The following NUMB variants were observed in gnomAD, a reference collection of about 807,000 sequenced individuals.
The protein encoded by NUMB is NUMB endocytic adaptor protein, also known as protein numb homolog.
NUMB carries 29 observed loss-of-function variants against 59.7 expected under a neutral mutation model. The ratio of observed to expected loss-of-function variants is 0.49; its 90% CI spans 0.36 to 0.66. NUMB has a LOEUF of 0.66. Ranked by LOEUF, NUMB falls within the 30% of genes least tolerant of loss-of-function variation. NUMB has a pLI of 0.00. For missense variants in NUMB, 723 were observed against 822.0 expected (o/e 0.88, Z 1.47); for synonymous variants, 288 against 288.2 (o/e 1.00, Z 0.01).
At chr14:73,329,704 T>A (rs540811468) in intron 4 of NUMB, among the ~76,000 whole-genome samples, 1 of 152,354 alleles carries the variant, frequency 6.6e-6, no homozygotes, top group Non-Finnish European at 1.5e-5. Flanking sequence ...ATACACAAAT[T>A]AAACACTGAT....
At chr14:73,345,995 A>T (rs1240441730) in intron 4 of NUMB, among the ~76,000 whole-genome samples, 1 of 152,198 alleles carries the variant, frequency 6.6e-6, no homozygotes, top group Non-Finnish European at 1.5e-5. Flanking sequence ...CTTGAATAGC[A>T]TATTTCTAAT....
intron 1 of NUMB, among the ~76,000 whole-genome samples, chr14:73,437,108 C>T (rs374869490): frequency 1.5e-5 from 2 of 135,990 alleles, no homozygotes; most frequent in African/African-American, 2.9e-5. Flanking sequence ...TGCAGTGGCA[C>T]GATCACAACT....
At chr14:73,289,768 T>C (rs566070391) in intron 8 of NUMB, among the ~76,000 whole-genome samples, 3 of 152,348 alleles carry the variant, frequency 2.0e-5, no homozygotes, top group East Asian at 3.9e-4. Context: ...AGGATGACAT[T>C]AGGCCAGATG....
intron 12 of NUMB, among the ~76,000 whole-genome samples, chr14:73,277,672 G>A (rs1458032065): frequency 5.3e-5 from 8 of 151,994 alleles, no homozygotes; most frequent in African/African-American, 9.7e-5. Context: ...TGAGGCAGGA[G>A]GACTACTTGA....
rs576717285 is a variant in NUMB at position 73,448,475 on chromosome 14, G to A, written c.-233+10018C>T. On this transcript the variant is annotated intron_variant, in intron 1 of 12. Transcript: ENST00000555238. ...CAAAGTGCTGGGATTAAAGGCATGA[G>A]CCACCACACCAGGCCAGATTTTAAC... is the stretch of plus-strand genomic sequence containing the variant. Among the ~76,000 whole-genome samples, 6 of 152,154 alleles carry A rather than the reference G, an allele frequency of 3.9e-5. No homozygotes were observed. The East Asian group carries it at 1.2e-3, about 29-fold the overall frequency.
At chr14:73,436,280 G>C (rs189432637) in intron 1 of NUMB, among the ~76,000 whole-genome samples, 1 of 152,070 alleles carries the variant, frequency 6.6e-6, no homozygotes, top group Non-Finnish European at 1.5e-5. Flanking sequence ...AACTCACTTG[G>C]GTTTTCTTAT....
intron 6 of NUMB, 86 bp downstream of exon 6, chr14:73,316,304 G>A (rs1047001497): frequency 1.8e-6 from 2 of 1,107,764 alleles, no homozygotes; most frequent in Non-Finnish European, 2.7e-6. Flanking sequence ...AGAAACCAAA[G>A]CTGTACTAGT....
intron 2 of NUMB, among the ~76,000 whole-genome samples, chr14:73,389,633 T>C (rs1017235722): frequency 2.6e-5 from 4 of 152,202 alleles, no homozygotes; most frequent in Admixed American, 2.6e-4. Context: ...ATTATAGGTG[T>C]GAACCACCGT....
chr14:73,389,294 C>CA (rs202010932), intron 2 of NUMB, among the ~76,000 whole-genome samples: 12,689 of 76,928 alleles, frequency 0.16, 1,487 homozygotes, highest in African/African-American at 0.37. Flanking sequence ...AAAAAAAAAA[C>CA]AAAAACAAAA....
chr14:73,452,965 C>T (rs908571808), intron 1 of NUMB, among the ~76,000 whole-genome samples: 2 of 152,180 alleles, frequency 1.3e-5, no homozygotes, highest in African/African-American at 4.8e-5. Context: ...TTACATATGT[C>T]ACTCCAGGAA....
At chr14:73,344,967 C>T (rs1297789024) in intron 4 of NUMB, among the ~76,000 whole-genome samples, 1 of 152,168 alleles carries the variant, frequency 6.6e-6, no homozygotes, top group Non-Finnish European at 1.5e-5. Flanking sequence ...ATGAAGCATA[C>T]TGTTTAAATC....
intron 6 of NUMB, among the ~76,000 whole-genome samples, chr14:73,300,037 C>T (rs1421424370): frequency 6.6e-6 from 1 of 151,578 alleles, no homozygotes; most frequent in Admixed American, 6.6e-5. Flanking sequence ...CAATTAGTAG[C>T]CATTATCATC....
chr14:73,438,750 GA>G (rs1397695977), intron 1 of NUMB, among the ~76,000 whole-genome samples: 2 of 150,542 alleles, frequency 1.3e-5, no homozygotes, highest in Admixed American at 6.6e-5. Flanking sequence ...TATGCACGAA[GA>G]AAAAACAGAA....
intron 6 of NUMB, chr14:73,298,388 T>C (rs1373244195): frequency 6.6e-6 from 1 of 152,178 alleles, no homozygotes; most frequent in Non-Finnish European, 1.5e-5. Context: ...TGACATTAAA[T>C]TCATGGAGAC....
At chr14:73,435,229 T>C (rs1897999200) in intron 1 of NUMB, among the ~76,000 whole-genome samples, 2 of 151,446 alleles carry the variant, frequency 1.3e-5, no homozygotes, top group Admixed American at 1.3e-4. Flanking sequence ...TAAAACGGTA[T>C]AACCATTCCA....
chr14:73,411,122 G>A (rs1463720794), intron 1 of NUMB, among the ~76,000 whole-genome samples: 1 of 151,454 alleles, frequency 6.6e-6, no homozygotes, highest in Non-Finnish European at 1.5e-5. Flanking sequence ...GCCTCAATCT[G>A]CCAGGCTCAA....
chr14:73,415,907 G>T (rs543940672), intron 1 of NUMB, among the ~76,000 whole-genome samples: 133 of 152,064 alleles, frequency 8.7e-4, no homozygotes, highest in Middle Eastern at 3.2e-3. Flanking sequence ...TATGAAAACA[G>T]ATTATTTCTA....
chr14:73,318,950 ATC>A (rs1434929517), intron 5 of NUMB, among the ~76,000 whole-genome samples: 1 of 152,222 alleles, frequency 6.6e-6, no homozygotes, highest in East Asian at 1.9e-4. Context: ...CTTGCAAATT[ATC>A]TCTTTCCTCA....
intron 6 of NUMB, among the ~76,000 whole-genome samples, chr14:73,313,411 TG>T (rs1890888433): frequency 6.6e-6 from 1 of 151,852 alleles, no homozygotes; most frequent in African/African-American, 2.4e-5. Context: ...AGACTCCACA[TG>T]GGTGGCTGAG....
Sources: gnomAD v4.1 joint callset for allele counts (sites outside exome capture counted in the v4.1 genomes callset) on GRCh38, gnomAD v4.1.1 for gene constraint, MANE v1.5 for transcripts, NCBI Gene and HGNC (gene_info 2026-07-23, HGNC 2026-07-21) for gene names.